Variants in SGCZ observed in about 807,000 individuals in gnomAD.
SGCZ encodes sarcoglycan zeta, also known as zeta-sarcoglycan.
SGCZ carries 40 observed loss-of-function variants against 41.3 expected under a neutral mutation model. That is an observed-to-expected ratio of 0.97 (90% CI 0.75 to 1.26). The LOEUF is 1.26. SGCZ is among the 50% of genes most tolerant of loss of function. The pLI is 0.00. For synonymous variants in SGCZ, 206 were observed against 137.5 expected (o/e 1.50, Z -3.49); for missense variants, 552 against 369.8 (o/e 1.49, Z -4.04).
At chr8:14,186,110 G>A (rs143739045) in intron 4 of SGCZ, among the ~76,000 whole-genome samples, 7 of 152,112 alleles carry the variant, frequency 4.6e-5, no homozygotes, top group African/African-American at 9.7e-5. Flanking sequence ...GTAATTTAGC[G>A]CTCTACTACT....
In SGCZ at chr8:14,443,726, A is replaced by G. The variant is rs570330466; in HGVS notation, c.234+111006T>C. 4.6e-5 allele frequency among the ~76,000 whole-genome samples: 7 copies of G among 152,316 alleles called. No individual in the cohort carries two copies. In the East Asian group the frequency reaches 1.3e-3, roughly 29 times the overall value. On this transcript the variant is annotated intron_variant, in intron 2 of 7. Transcript: ENST00000382080. ...AAAAATCCTAGAAGAAAACCTAGGCATTACCATTCAGGACATAGGCATAGG... is the reference window on the plus strand; with the variant it reads ...AAAAATCCTAGAAGAAAACCTAGGCGTTACCATTCAGGACATAGGCATAGG...
At chr8:14,174,471 G>T (rs1006394012) in intron 4 of SGCZ, among the ~76,000 whole-genome samples, 4 of 152,000 alleles carry the variant, frequency 2.6e-5, no homozygotes, top group Admixed American at 2.0e-4. Context: ...TGACAGAGAG[G>T]AGACTGAATG....
intron 1 of SGCZ, among the ~76,000 whole-genome samples, chr8:14,847,089 GAAGAAGAAAGAAGA>G (rs1211718552): frequency 2.2e-5 from 3 of 139,346 alleles, no homozygotes; most frequent in Non-Finnish European, 4.7e-5. Flanking sequence ...CAAAATAGAA[GAAGAAGAAAGAAGA>G]AAGAAGAAAG....
chr8:14,294,613 G>C (rs1800950270), intron 3 of SGCZ, among the ~76,000 whole-genome samples: 2 of 151,814 alleles, frequency 1.3e-5, no homozygotes, highest in Non-Finnish European at 1.5e-5. Flanking sequence ...AGAAAACTGA[G>C]AAGAAAATAA....
At chr8:14,514,823 ACG>A (rs1563379018) in intron 2 of SGCZ, among the ~76,000 whole-genome samples, 9 of 117,698 alleles carry the variant, frequency 7.6e-5, no homozygotes, top group African/African-American at 1.6e-4. Flanking sequence ...GTATATATAC[ACG>A]CACACACACA....
intron 1 of SGCZ, among the ~76,000 whole-genome samples, chr8:14,701,763 C>T (rs1310602835): frequency 6.6e-6 from 1 of 151,868 alleles, no homozygotes. Flanking sequence ...TGACCTCTTA[C>T]CAAACCCCCT....
At chr8:15,176,826 C>T (rs1350341188) in intron 1 of SGCZ, among the ~76,000 whole-genome samples, 2 of 152,100 alleles carry the variant, frequency 1.3e-5, no homozygotes, top group Non-Finnish European at 2.9e-5. Flanking sequence ...AGGGTGAAAC[C>T]CCATCTCTAC....
At chr8:14,242,020 A>G (rs1433944325) in intron 3 of SGCZ, among the ~76,000 whole-genome samples, 1 of 152,234 alleles carries the variant, frequency 6.6e-6, no homozygotes. Context: ...ACAAAAGAGA[A>G]AGAAAGGAGA....
intron 1 of SGCZ, among the ~76,000 whole-genome samples, chr8:15,176,132 G>C (rs1431815978): frequency 6.6e-6 from 1 of 152,076 alleles, no homozygotes; most frequent in Non-Finnish European, 1.5e-5. Context: ...TATCTAATTA[G>C]GTGACAGTTC....
chr8:14,155,805 C>T (rs59272303), intron 5 of SGCZ, among the ~76,000 whole-genome samples: 15,128 of 151,876 alleles, frequency 0.1, 873 homozygotes, highest in Middle Eastern at 0.2. Context: ...TTGGTGATTT[C>T]GCCATTGTGC....
At chr8:14,261,377 T>A (rs73664019) in intron 3 of SGCZ, among the ~76,000 whole-genome samples, 2,174 of 152,238 alleles carry the variant, frequency 0.014, 61 homozygotes, top group African/African-American at 0.049. Flanking sequence ...TTAAAGAAAG[T>A]AAGTATTTTG....
chr8:14,689,222 T>A (rs1459025328), intron 1 of SGCZ, among the ~76,000 whole-genome samples: 1 of 152,128 alleles, frequency 6.6e-6, no homozygotes, highest in Non-Finnish European at 1.5e-5. Flanking sequence ...TTGTTTATTT[T>A]AAAAATCTAT....
chr8:14,476,999 C>G (rs2116993462), intron 2 of SGCZ, among the ~76,000 whole-genome samples: 1 of 152,170 alleles, frequency 6.6e-6, no homozygotes, highest in East Asian at 1.9e-4. Flanking sequence ...CTATTTTGTT[C>G]CCATTGGGAA....
At chr8:14,643,370 T>C (rs1203078459) in intron 1 of SGCZ, among the ~76,000 whole-genome samples, 1 of 151,646 alleles carries the variant, frequency 6.6e-6, no homozygotes, top group Non-Finnish European at 1.5e-5. Flanking sequence ...ATGAATATTA[T>C]TGTTGTAAAT....
Position 14,164,679 on chromosome 8 carries a change from A to C in SGCZ, c.448T>G (p.Cys150Gly). ...CTGGCTCTCACTTCAAATCTTTTAC[A>C]CTGAGCTTCCACAGCATCAGCTCCT... ...TIGADAVEAQ[C>G]KRFEVRASED... Residue 150 changes from cysteine (C) to glycine (G), a missense_variant, in exon 5 of 8, where the codon TGT becomes GGT. Physicochemically the swap from Cys to Gly is radical, Grantham distance 159 (BLOSUM62 -3). Coordinates refer to ENST00000382080, the MANE Select transcript of SGCZ (RefSeq NM_139167.4). 6.2e-7 allele frequency: 1 copy of C among 1,613,532 alleles called. No individual in the cohort carries two copies. Among genetic ancestry groups the C allele is most frequent in the South Asian group, 1.1e-5 (1 of 91,064 alleles).
chr8:14,650,803 T>G (rs942849178), intron 1 of SGCZ, among the ~76,000 whole-genome samples: 15 of 152,056 alleles, frequency 9.9e-5, no homozygotes, highest in Non-Finnish European at 1.8e-4. Context: ...ATTATCACAG[T>G]AATATTACAT....
At position 14,138,265 on chromosome 8, in the gene SGCZ, G is replaced by A. The variant is rs1031880026; in HGVS notation, c.547+26315C>T. 9.2e-5 allele frequency among the ~76,000 whole-genome samples: 14 copies of A among 152,226 alleles called. No individual in the cohort carries two copies. In the East Asian group the frequency reaches 2.3e-3, roughly 25 times the overall value. On this transcript the variant is annotated intron_variant, in intron 5 of 7. Coordinates refer to ENST00000382080, the MANE Select transcript of SGCZ (RefSeq NM_139167.4). ...AGACCATCGAGGCTAGGAAGAAACT[G>A]CATCAACTAACGAGCAAAATAATCA... is the stretch of plus-strand genomic sequence containing the variant.
intron 1 of SGCZ, among the ~76,000 whole-genome samples, chr8:14,983,726 T>A (rs1801744273): frequency 6.6e-6 from 1 of 152,136 alleles, no homozygotes; most frequent in Non-Finnish European, 1.5e-5. Context: ...AAGTTGAGGC[T>A]AAGGAGGCTC....
At chr8:15,039,975 A>G (rs1804027684) in intron 1 of SGCZ, among the ~76,000 whole-genome samples, 1 of 152,206 alleles carries the variant, frequency 6.6e-6, no homozygotes, top group African/African-American at 2.4e-5. Flanking sequence ...TATGCTTCAT[A>G]TATTTAACAC....
Sources: allele counts gnomAD v4.1 joint callset (sites outside exome capture counted in the v4.1 genomes callset), GRCh38; gene constraint gnomAD v4.1.1; transcripts MANE v1.5; gene names NCBI Gene and HGNC (gene_info 2026-07-23, HGNC 2026-07-21).